Variants in TBL1X observed in about 807,000 individuals in gnomAD.
TBL1X encodes the protein F-box-like/WD repeat-containing protein TBL1X.
In TBL1X, 10 loss-of-function variants were observed where a neutral mutation model predicts 50.7. That is an observed-to-expected ratio of 0.20 (90% CI 0.12 to 0.33). The LOEUF (loss-of-function observed/expected upper bound fraction) is 0.33. TBL1X is among the 10% of genes least tolerant of loss of function. TBL1X has a pLI of 1.00. For missense variants in TBL1X, 340 were observed against 504.4 expected, an observed-to-expected ratio of 0.67 and a Z score of 3.12; for synonymous variants, 190 against 214.7, an observed-to-expected ratio of 0.88 and a Z score of 1.01.
At chrX:9,696,294 C>G (rs978849063) in intron 11 of TBL1X, among the ~76,000 whole-genome samples, 1 of 112,285 alleles carries the variant, frequency 8.9e-6, no homozygotes, top group African/African-American at 3.2e-5. Context: ...AGAACTGACC[C>G]AAAACCCAGG....
chrX:9,713,477 G>T (rs2083261013), intron 16 of TBL1X, among the ~76,000 whole-genome samples: 3 of 95,385 alleles, frequency 3.1e-5, no homozygotes, highest in African/African-American at 1.2e-4. Flanking sequence ...ACCCAGGCTG[G>T]AGTACAGTGA....
rs185616642 is a variant in TBL1X, at chrX:9,599,144, G to A, written c.-130-41129G>A. 5.5e-3 allele frequency among the ~76,000 whole-genome samples: 603 copies of A among 109,594 alleles called. 5 individuals carry two copies. The South Asian group carries it at 0.055, about 10-fold the overall frequency. On this transcript the variant is annotated intron_variant, in intron 2 of 17. Coordinates refer to ENST00000645353, the MANE Select transcript of TBL1X (RefSeq NM_005647.4). ...TTTTTAGTAGAGACGGGGTTTCACCGTGTTGGCCAGGCTGGTCTCGAACTC... is the reference window on the plus strand; with the variant it reads ...TTTTTAGTAGAGACGGGGTTTCACCATGTTGGCCAGGCTGGTCTCGAACTC...
intron 5 of TBL1X, among the ~76,000 whole-genome samples, chrX:9,667,135 G>A (rs2082935440): frequency 1.8e-5 from 2 of 111,538 alleles, no homozygotes; most frequent in African/African-American, 3.3e-5. Flanking sequence ...GGTGGCGGGC[G>A]CCTGTAGTTC....
At chrX:9,655,069 G>C (rs532365758) in intron 5 of TBL1X, among the ~76,000 whole-genome samples, 2 of 111,540 alleles carry the variant, frequency 1.8e-5, no homozygotes. Context: ...CGCCTTCCTC[G>C]ATGATGATGA....
chrX:9,554,460 C>T (rs2082285649), intron 2 of TBL1X, among the ~76,000 whole-genome samples: 1 of 112,208 alleles, frequency 8.9e-6, no homozygotes, highest in Non-Finnish European at 1.9e-5. Flanking sequence ...TGATTCAATA[C>T]AATTTATTGT....
At chrX:9,662,059 C>G (rs1456761450) in intron 5 of TBL1X, among the ~76,000 whole-genome samples, 1 of 111,300 alleles carries the variant, frequency 9.0e-6, no homozygotes, top group African/African-American at 3.3e-5. Flanking sequence ...GTTCCAATGC[C>G]CTTCATATCC....
intron 2 of TBL1X, among the ~76,000 whole-genome samples, chrX:9,613,146 G>A (rs1273275900): frequency 9.0e-6 from 1 of 111,420 alleles, no homozygotes; most frequent in African/African-American, 3.3e-5. Context: ...TTATTAATCT[G>A]TTTGGAAGTA....
intron 2 of TBL1X, among the ~76,000 whole-genome samples, chrX:9,629,576 G>C (rs750688189): frequency 8.9e-6 from 1 of 112,345 alleles, no homozygotes; most frequent in Non-Finnish European, 1.9e-5. Flanking sequence ...GTGAGTATGC[G>C]TGTGTTTCTC....
intron 1 of TBL1X, among the ~76,000 whole-genome samples, chrX:9,481,343 T>A (rs939054240): frequency 1.8e-5 from 2 of 110,107 alleles, no homozygotes; most frequent in Non-Finnish European, 3.8e-5. Context: ...CCAGAAAACC[T>A]TTTTTTTCTT....
intron 1 of TBL1X, among the ~76,000 whole-genome samples, chrX:9,468,851 A>G (rs943921582): frequency 6.3e-5 from 7 of 110,602 alleles, no homozygotes; most frequent in Non-Finnish European, 9.5e-5. Context: ...GTTTTTATTT[A>G]TTTGTTTATT....
At chrX:9,514,144 G>A (rs1019831971) in intron 2 of TBL1X, among the ~76,000 whole-genome samples, 14 of 111,455 alleles carry the variant, frequency 1.3e-4, no homozygotes, top group African/African-American at 2.6e-4. Context: ...GCATCCTACC[G>A]TGCACAGAGC....
At chrX:9,510,835 C>T (rs375171324) in intron 2 of TBL1X, among the ~76,000 whole-genome samples, 1 of 111,906 alleles carries the variant, frequency 8.9e-6, no homozygotes, top group Non-Finnish European at 1.9e-5. Context: ...ACTGTGACAT[C>T]TGCGCTTTCC....
Position 9,709,648 on chromosome X carries a change from CAGG to C in TBL1X, c.1331_1333del (p.Glu444del). The stretch of plus-strand genomic sequence containing the variant: ...TGTTCTGTAGATCTGGAGCATGAAA[CAGG>C]AGGTGTGCATCCATGATCTTCAGGC... On this transcript the variant is annotated inframe_deletion, in exon 15 of 18. Coordinates refer to ENST00000645353, the MANE Select transcript of TBL1X (RefSeq NM_005647.4). 8.3e-7 allele frequency: 1 copy of C among 1,210,805 alleles called. No individual in the cohort carries two copies.
intron 2 of TBL1X, among the ~76,000 whole-genome samples, chrX:9,612,723 C>A (rs1174642688): frequency 9.0e-6 from 1 of 110,975 alleles, no homozygotes; most frequent in African/African-American, 3.3e-5. Context: ...TTATGAAAAT[C>A]AAGTCATGGG....
At chrX:9,544,103 G>A (rs968250262) in intron 2 of TBL1X, among the ~76,000 whole-genome samples, 4 of 111,896 alleles carry the variant, frequency 3.6e-5, no homozygotes, top group East Asian at 5.6e-4. Flanking sequence ...CTTCCACCCC[G>A]TATCCCAAGA....
intron 2 of TBL1X, among the ~76,000 whole-genome samples, chrX:9,522,091 C>T (rs2082110176): frequency 9.6e-6 from 1 of 104,339 alleles, no homozygotes; most frequent in Admixed American, 1.0e-4. Flanking sequence ...GATCACTGCT[C>T]ACTGCAGCCT....
At chrX:9,609,339 GT>G (rs1569074358) in intron 2 of TBL1X, among the ~76,000 whole-genome samples, 16 of 99,913 alleles carry the variant, frequency 1.6e-4, no homozygotes, top group East Asian at 9.4e-4. Context: ...TCTTCCAGGT[GT>G]GTGTGTGTGT....
At chrX:9,639,690 G>A (rs1259684868) in intron 2 of TBL1X, 1 of 111,772 alleles carries the variant, frequency 8.9e-6, no homozygotes, top group Non-Finnish European at 1.9e-5. Flanking sequence ...TGATTTTAGA[G>A]GAGCCGGAGG....
At chrX:9,670,571 A>T (rs956799422) in intron 5 of TBL1X, among the ~76,000 whole-genome samples, 7 of 112,114 alleles carry the variant, frequency 6.2e-5, no homozygotes, top group Non-Finnish European at 1.3e-4. Context: ...GGGTGGTTAC[A>T]TTACTCTTAA....
Sources: allele counts gnomAD v4.1 joint callset (sites outside exome capture counted in the v4.1 genomes callset), GRCh38; gene constraint gnomAD v4.1.1; transcripts MANE v1.5; gene names NCBI Gene and HGNC (gene_info 2026-07-23, HGNC 2026-07-21).